The following PSMA8 variants were observed in gnomAD, a reference collection of about 807,000 sequenced individuals.
PSMA8 encodes the protein proteasome 20S subunit alpha 8.
Under a neutral mutation model 32.4 loss-of-function variants are expected in PSMA8, and 18 were observed. That is an observed-to-expected ratio of 0.56 (90% CI 0.38 to 0.82). The LOEUF (loss-of-function observed/expected upper bound fraction) is 0.82, where lower values mean the gene tolerates loss of function less well. Among genes scored for constraint, PSMA8 ranks in the 40% least tolerant of loss-of-function variants. PSMA8 has a pLI of 0.00. For synonymous variants in PSMA8, 104 were observed against 98.1 expected (o/e 1.06, Z -0.36); for missense variants, 298 against 300.7 (o/e 0.99, Z 0.07).
chr18:26,177,498 C>T (rs943688802), intron 4 of PSMA8, among the ~76,000 whole-genome samples: 3 of 152,184 alleles, frequency 2.0e-5, no homozygotes, highest in African/African-American at 4.8e-5. Context: ...AAATGCCTAA[C>T]CTAGTGCCTG....
At chr18:26,142,888 A>G (rs2054970412) in intron 1 of PSMA8, among the ~76,000 whole-genome samples, 1 of 152,184 alleles carries the variant, frequency 6.6e-6, no homozygotes, top group Admixed American at 6.5e-5. Flanking sequence ...CTTAGGGGTT[A>G]GGATTTCAAC....
chr18:26,174,840 T>C lies in PSMA8; in HGVS notation c.478-3990T>C, dbSNP rs73405473. Among the ~76,000 whole-genome samples the C allele has an allele frequency of 7.3e-3, 1,106 of 152,338 alleles. 17 individuals carry two copies. Among genetic ancestry groups the C allele is most frequent in the African/African-American group, 0.025 (1,049 of 41,578 alleles). ...GTAAGTTTTGTTACCAAAGTACATC[T>C]GGATCTGCTAAAAAGCATTTAAATC... On this transcript the variant is annotated intron_variant, in intron 4 of 6. Transcript: ENST00000415576.
chr18:26,181,706 G>A (rs1221343364), intron 6 of PSMA8, among the ~76,000 whole-genome samples: 2 of 152,190 alleles, frequency 1.3e-5, no homozygotes, highest in Non-Finnish European at 2.9e-5. Flanking sequence ...AACTGAAACA[G>A]CCAGGCCAGG....
intron 3 of PSMA8, among the ~76,000 whole-genome samples, chr18:26,154,569 T>C (rs1484653063): frequency 6.6e-6 from 1 of 152,060 alleles, no homozygotes; most frequent in African/African-American, 2.4e-5. Context: ...AGAAGATCGA[T>C]ATCTCATATG....
chr18:26,138,919 G>C (rs932738635), intron 1 of PSMA8, among the ~76,000 whole-genome samples: 9 of 152,194 alleles, frequency 5.9e-5, no homozygotes, highest in African/African-American at 9.7e-5. Context: ...CATTTACTTA[G>C]AGAATGTAAG....
At chr18:26,152,410 G>A (rs567458954) in intron 3 of PSMA8, among the ~76,000 whole-genome samples, 5 of 151,974 alleles carry the variant, frequency 3.3e-5, no homozygotes, top group East Asian at 1.9e-4. Context: ...CTGCAGCCTC[G>A]ACCTTCTGGG....
intron 4 of PSMA8, among the ~76,000 whole-genome samples, chr18:26,176,182 A>C (rs2055262590): frequency 6.6e-6 from 1 of 152,146 alleles, no homozygotes; most frequent in Non-Finnish European, 1.5e-5. Context: ...TTTAGAAAAC[A>C]AGTCAGGTGG....
Position 26,179,111 on chromosome 18 carries a change from GA to G in PSMA8, c.643del (p.Arg215GlufsTer5). The G allele has an allele frequency of 1.9e-6, 3 of 1,611,798 alleles. No individual in the cohort carries two copies. Among genetic ancestry groups the G allele is most frequent in the Non-Finnish European group, 1.7e-6 (2 of 1,178,650 alleles). On this transcript the variant is annotated frameshift_variant, in exon 6 of 7. Transcript: ENST00000415576. LOFTEE classifies it high-confidence loss of function. ...GGKNIELAII[R>X]RNQPLKMFSA... ...AAAAACATTGAACTTGCTATAATAA[GA>G]AGAAATCAACCTTTGAAGGTAAGTC... is the stretch of plus-strand genomic sequence containing the variant.
chr18:26,164,880 G>A (rs2055165264), intron 4 of PSMA8, among the ~76,000 whole-genome samples: 1 of 151,916 alleles, frequency 6.6e-6, no homozygotes, highest in African/African-American at 2.4e-5. Flanking sequence ...TGTTGAGGGG[G>A]GAGGGTTGTT....
At chr18:26,134,212 A>G in intron 1 of PSMA8, 145 bp downstream of exon 1, 1 of 623,224 alleles carries the variant, frequency 1.6e-6, no homozygotes, top group East Asian at 2.8e-5. Flanking sequence ...CTTTTTATTT[A>G]GGGAGACAGA....
chr18:26,181,105 T>C (rs1039304324), intron 6 of PSMA8, among the ~76,000 whole-genome samples: 1 of 152,242 alleles, frequency 6.6e-6, no homozygotes, highest in Non-Finnish European at 1.5e-5. Flanking sequence ...AGTCTGTCAA[T>C]TCCATTTGTC....
chr18:26,172,711 G>T (rs1242029108), intron 4 of PSMA8, among the ~76,000 whole-genome samples: 2 of 152,188 alleles, frequency 1.3e-5, no homozygotes, highest in East Asian at 3.9e-4. Flanking sequence ...AGCCTCTGTT[G>T]GTCACACATT....
chr18:26,145,901 G>C (rs2054999039), intron 2 of PSMA8, among the ~76,000 whole-genome samples: 1 of 152,170 alleles, frequency 6.6e-6, no homozygotes, highest in African/African-American at 2.4e-5. Flanking sequence ...TGGATTATAT[G>C]ATAATCCATG....
intron 2 of PSMA8, among the ~76,000 whole-genome samples, chr18:26,149,713 G>A (rs772233426): frequency 1.3e-5 from 2 of 152,070 alleles, no homozygotes; most frequent in Non-Finnish European, 2.9e-5. Flanking sequence ...AAATGGTGCA[G>A]GGGAAACTGA....
At position 26,193,263 on chromosome 18, in the gene PSMA8, CG is replaced by C. The variant is rs1568075643; in HGVS notation, c.*854del. 6.6e-5 allele frequency: 10 copies of C among 152,072 alleles called. No homozygotes were observed. 9.4% of individuals were successfully genotyped at this position (152,072 alleles called of 1,614,324 possible). A position where few individuals can be genotyped will look rare whatever the true frequency, so the allele number is the denominator to read the frequency against. Reference sequence around the variant, plus strand: ...AAATATAAAAAGTGATCTCTGCCCACGGAAAGGATTTAATCCAAATGGTCCA... The same window carrying C: ...AAATATAAAAAGTGATCTCTGCCCACGAAAGGATTTAATCCAAATGGTCCA... On this transcript the variant is annotated 3_prime_UTR_variant, in exon 7 of 7. Transcript: ENST00000415576.
chr18:26,144,233 T>G (rs2054983076), intron 1 of PSMA8, among the ~76,000 whole-genome samples: 1 of 152,208 alleles, frequency 6.6e-6, no homozygotes, highest in Non-Finnish European at 1.5e-5. Context: ...AGTTGCAATT[T>G]TCAAGAACCT....
In PSMA8 at chr18:26,169,839, G is replaced by A. The variant is rs879428265; in HGVS notation, c.478-8991G>A. 9.6e-5 allele frequency among the ~76,000 whole-genome samples: 11 copies of A among 114,844 alleles called. 1 individual carries two copies. The highest frequency in any genetic ancestry group is 1.4e-4 in the Non-Finnish European group (9 of 62,932). 75.3% of individuals were successfully genotyped at this position (114,844 alleles called of 152,430 possible). On this transcript the variant is annotated intron_variant, in intron 4 of 6. Coordinates refer to ENST00000415576, the MANE Select transcript of PSMA8 (RefSeq NM_001025096.2). ...CTAGCCTGGGCAACAAGAGCGAAACGCTGTCTAAAAAAAAAAGAACTTACA... is the reference window on the plus strand; with the variant it reads ...CTAGCCTGGGCAACAAGAGCGAAACACTGTCTAAAAAAAAAAGAACTTACA...
intron 4 of PSMA8, among the ~76,000 whole-genome samples, chr18:26,163,233 A>AT (rs1380032987): frequency 7.0e-5 from 8 of 114,492 alleles, no homozygotes; most frequent in Admixed American, 4.9e-4. Flanking sequence ...ATATATATAT[A>AT]TATATATATA....
At chr18:26,180,392 G>T (rs1272935268) in intron 6 of PSMA8, among the ~76,000 whole-genome samples, 1 of 152,108 alleles carries the variant, frequency 6.6e-6, no homozygotes, top group Non-Finnish European at 1.5e-5. Flanking sequence ...CATCATGGTT[G>T]CTTTGACATC....
Sources: gnomAD v4.1 joint callset for allele counts (sites outside exome capture counted in the v4.1 genomes callset) on GRCh38, gnomAD v4.1.1 for gene constraint, MANE v1.5 for transcripts, NCBI Gene and HGNC (gene_info 2026-07-23, HGNC 2026-07-21) for gene names.